KLHL32: variants seen among roughly 807,000 people sequenced by gnomAD.
KLHL32 encodes kelch-like protein 32.
Under a neutral mutation model 64.8 loss-of-function variants are expected in KLHL32, and 35 were observed. That is an observed-to-expected ratio of 0.54 (90% CI 0.41 to 0.72). The LOEUF (loss-of-function observed/expected upper bound fraction) is 0.72. Ranked by LOEUF, KLHL32 falls within the 30% of genes least tolerant of loss-of-function variation. The pLI, the probability that KLHL32 is intolerant of heterozygous loss-of-function variation, is 0.00. For missense variants in KLHL32, 589 were observed against 768.5 expected, an observed-to-expected ratio of 0.77 and a Z score of 2.76; for synonymous variants, 259 against 281.0, an observed-to-expected ratio of 0.92 and a Z score of 0.78.
At chr6:97,014,273 T>C (rs542769624) in intron 3 of KLHL32, among the ~76,000 whole-genome samples, 12 of 149,960 alleles carry the variant, frequency 8.0e-5, no homozygotes, top group South Asian at 4.2e-4. Context: ...CCAACCTGGG[T>C]GACAGAGCGA....
chr6:96,966,484 TTCTC>T (rs949848133), intron 1 of KLHL32, among the ~76,000 whole-genome samples: 10 of 152,188 alleles, frequency 6.6e-5, no homozygotes, highest in Non-Finnish European at 1.3e-4. Flanking sequence ...CTGATTTTTA[TTCTC>T]TCTCTATGTT....
At chr6:96,991,194 G>A (rs1777830787) in intron 3 of KLHL32, among the ~76,000 whole-genome samples, 1 of 152,058 alleles carries the variant, frequency 6.6e-6, no homozygotes, top group African/African-American at 2.4e-5. Context: ...CAGTGCACTG[G>A]CGGTGGCAGA....
At chr6:96,906,696 G>C in the KLHL32 span, among the ~76,000 whole-genome samples, 1 of 152,190 alleles carries the variant, frequency 6.6e-6, no homozygotes, top group Non-Finnish European at 1.5e-5. Context: ...GAGCTGGACA[G>C]ATAGACAGCA....
At chr6:97,057,552 C>G (rs200765855) in intron 4 of KLHL32, among the ~76,000 whole-genome samples, 1 of 138,108 alleles carries the variant, frequency 7.2e-6, no homozygotes, top group Non-Finnish European at 1.5e-5. Context: ...CTTTTACACC[C>G]CCCTCCCGCC....
At chr6:97,071,875 A>G (rs1790786423) in intron 5 of KLHL32, among the ~76,000 whole-genome samples, 1 of 152,192 alleles carries the variant, frequency 6.6e-6, no homozygotes, top group Non-Finnish European at 1.5e-5. Context: ...GTCTAATGCT[A>G]ATCAACACTG....
At chr6:96,902,974 C>T in the KLHL32 span, among the ~76,000 whole-genome samples, 1 of 151,996 alleles carries the variant, frequency 6.6e-6, no homozygotes, top group Non-Finnish European at 1.5e-5. Flanking sequence ...CAGTACCATG[C>T]TGTTTTGGTT....
At chr6:96,986,633 C>G (rs1777121665) in intron 3 of KLHL32, among the ~76,000 whole-genome samples, 1 of 152,166 alleles carries the variant, frequency 6.6e-6, no homozygotes, top group Admixed American at 6.5e-5. Flanking sequence ...GCTGTGCTAG[C>G]AATGAGCGAG....
chr6:97,123,128 A>T (rs1331655445), intron 7 of KLHL32, among the ~76,000 whole-genome samples: 1 of 152,238 alleles, frequency 6.6e-6, no homozygotes, highest in Non-Finnish European at 1.5e-5. Context: ...TCGTTAAAAA[A>T]AAAATTAGCA....
At chr6:97,086,296 G>A (rs1793404967) in intron 6 of KLHL32, among the ~76,000 whole-genome samples, 1 of 152,222 alleles carries the variant, frequency 6.6e-6, no homozygotes, top group South Asian at 2.1e-4. Flanking sequence ...ATAGGTAGCT[G>A]TTAATTATTC....
chr6:96,979,598 C>T (rs1208625941), intron 3 of KLHL32, among the ~76,000 whole-genome samples: 2 of 152,066 alleles, frequency 1.3e-5, no homozygotes, highest in Non-Finnish European at 2.9e-5. Context: ...ACAAACAATA[C>T]TACAGCTTTG....
chr6:96,952,352 C>G (rs1350822453), intron 1 of KLHL32, among the ~76,000 whole-genome samples: 1 of 152,008 alleles, frequency 6.6e-6, no homozygotes, highest in Admixed American at 6.6e-5. Context: ...AGAAATATGC[C>G]ATAGGAACTT....
At chr6:96,934,128 A>C (rs948749663) in intron 1 of KLHL32, among the ~76,000 whole-genome samples, 2 of 152,248 alleles carry the variant, frequency 1.3e-5, no homozygotes, top group African/African-American at 4.8e-5. Flanking sequence ...ACCTTGCGTC[A>C]GAAAATCATA....
chr6:96,982,810 A>G (rs576575769), intron 3 of KLHL32, among the ~76,000 whole-genome samples: 26 of 152,322 alleles, frequency 1.7e-4, no homozygotes, highest in Non-Finnish European at 2.4e-4. Context: ...TAGATATACA[A>G]TCATGTCATC....
intron 3 of KLHL32, among the ~76,000 whole-genome samples, chr6:97,036,752 G>A (rs1467806921): frequency 1.3e-5 from 2 of 152,226 alleles, no homozygotes; most frequent in African/African-American, 2.4e-5. Flanking sequence ...ACACCCAGGT[G>A]TGGGCTCATG....
chr6:96,986,326 C>T (rs1428276311), intron 3 of KLHL32, among the ~76,000 whole-genome samples: 2 of 152,180 alleles, frequency 1.3e-5, no homozygotes, highest in Non-Finnish European at 2.9e-5. Flanking sequence ...GTCAGGGACC[C>T]ACTTGAGGAG....
chr6:96,941,648 T>G (rs1256666252), intron 1 of KLHL32, among the ~76,000 whole-genome samples: 1 of 152,194 alleles, frequency 6.6e-6, no homozygotes, highest in East Asian at 1.9e-4. Context: ...GCCCCTCTTA[T>G]GCTATCTCTT....
intron 3 of KLHL32, among the ~76,000 whole-genome samples, chr6:97,020,177 A>AGG (rs1193481796): frequency 0.011 from 1,642 of 146,326 alleles, 50 homozygotes; most frequent in African/African-American, 0.041. Flanking sequence ...TCCTGACCTC[A>AGG]TGATCCACCC....
At position 97,047,177 on chromosome 6, in the gene KLHL32, C is replaced by T. The variant is rs76015554; in HGVS notation, c.312+5578C>T. ...TTTTAAAGAAAAAGCAAATTTTCCT[C>T]TTAATATTAATACATATTCTGAAAA... On this transcript the variant is annotated intron_variant, in intron 4 of 10. Transcript: ENST00000369261. Among the ~76,000 whole-genome samples, 221 of 152,318 alleles carry T rather than the reference C, an allele frequency of 1.5e-3. 1 individual carries two copies. In the East Asian group the frequency reaches 0.024, roughly 16 times the overall value.
At chr6:97,048,922 G>C (rs1265793855) in intron 4 of KLHL32, among the ~76,000 whole-genome samples, 1 of 152,200 alleles carries the variant, frequency 6.6e-6, no homozygotes. Context: ...CTATTCAGTG[G>C]TTTAAATATT....
Sources: gnomAD v4.1 joint callset for allele counts (sites outside exome capture counted in the v4.1 genomes callset) on GRCh38, gnomAD v4.1.1 for gene constraint, MANE v1.5 for transcripts, NCBI Gene and HGNC (gene_info 2026-07-23, HGNC 2026-07-21) for gene names.